PDILT: variants seen among roughly 807,000 people sequenced by gnomAD.
PDILT encodes the protein protein disulfide-isomerase-like protein of the testis.
In PDILT, 43 loss-of-function variants were observed where a neutral mutation model predicts 53.7. The ratio of observed to expected loss-of-function variants is 0.80; its 90% CI spans 0.63 to 1.03. The LOEUF (loss-of-function observed/expected upper bound fraction) is 1.03. PDILT is among the 50% of genes least tolerant of loss of function. PDILT has a pLI of 0.00. For missense variants in PDILT, 727 were observed against 712.3 expected (o/e 1.02, Z -0.24); for synonymous variants, 282 against 274.2 (o/e 1.03, Z -0.28).
chr16:20,392,987 G>A (rs1208665482), intron 2 of PDILT, among the ~76,000 whole-genome samples: 1 of 152,198 alleles, frequency 6.6e-6, no homozygotes, highest in Non-Finnish European at 1.5e-5. Flanking sequence ...GTTGAGGTGT[G>A]TTATGTGTTT....
intron 8 of PDILT, among the ~76,000 whole-genome samples, chr16:20,367,087 CTTTCT>C (rs1966222317): frequency 9.7e-6 from 1 of 103,364 alleles, no homozygotes; most frequent in Non-Finnish European, 2.0e-5. Context: ...TTCTTTCTTT[CTTTCT>C]TTCTTTCTTT....
chr16:20,370,225 C>G (rs1029155640), intron 7 of PDILT, among the ~76,000 whole-genome samples: 1 of 152,208 alleles, frequency 6.6e-6, no homozygotes, highest in Admixed American at 6.5e-5. Context: ...ACTGAGGACA[C>G]AACCCTGCCC....
Position 20,384,828 on chromosome 16 carries a change from T to G in PDILT, c.226A>C (p.Arg76=), listed in dbSNP as rs750346707. Residue 76 remains arginine, a synonymous_variant, in exon 3 of 12, where the codon AGG becomes CGG. Transcript: ENST00000302451. ...TTGCCCAGCTCTTCCGCCAAGTTCC[T>G]GGATTGCTTTGAGGATGGGTTGTCT... ...LFHNPSSKQS[R]NLAEELGKAV... The G allele has an allele frequency of 1.9e-6, 3 of 1,614,236 alleles. No homozygotes were observed. Among genetic ancestry groups the G allele is most frequent in the Non-Finnish European group, 8.5e-7 (1 of 1,180,038 alleles).
At position 20,372,895 on chromosome 16, in the gene PDILT, C is replaced by T; in HGVS notation, c.825G>A (p.Met275Ile). 1 of 1,614,104 alleles carries T rather than the reference C, an allele frequency of 6.2e-7. No homozygotes were observed. Among genetic ancestry groups the T allele is most frequent in the Non-Finnish European group, 8.5e-7 (1 of 1,179,982 alleles). The change falls in exon 7 of 12, where the codon ATG becomes ATA. Residue 275 changes from methionine to isoleucine, a missense_variant. Coordinates refer to ENST00000302451, the MANE Select transcript of PDILT (RefSeq NM_174924.2). Reference sequence around the variant, plus strand: ...TGGAGACAAACAGCAGCATGTGACTCATGATGTGCAACTCGGAAATCAGAT... The same window carrying T: ...TGGAGACAAACAGCAGCATGTGACTTATGATGTGCAACTCGGAAATCAGAT... ...NKDLISELHI[M>I]SHMLLFVSKS... is the part of the protein sequence containing the mutation.
At chr16:20,397,762 G>A (rs1021387240) in intron 2 of PDILT, among the ~76,000 whole-genome samples, 7 of 152,176 alleles carry the variant, frequency 4.6e-5, no homozygotes, top group African/African-American at 1.4e-4. Flanking sequence ...AAACCAAGAA[G>A]GGAAAGGCAC....
chr16:20,380,141 A>C (rs1010015911), intron 3 of PDILT, among the ~76,000 whole-genome samples: 4 of 151,658 alleles, frequency 2.6e-5, no homozygotes, highest in Non-Finnish European at 2.9e-5. Flanking sequence ...CCCTTTCCAC[A>C]CTCCAACGTT....
At chr16:20,388,861 A>C (rs1291376415) in intron 2 of PDILT, 2 of 152,208 alleles carry the variant, frequency 1.3e-5, no homozygotes, top group Admixed American at 6.5e-5. Context: ...GCGGTGAGCC[A>C]AGATTGCACC....
chr16:20,359,604 G>A (rs1443847131), intron 11 of PDILT, 37 bp from the exon 12 acceptor site: 1 of 1,569,172 alleles, frequency 6.4e-7, no homozygotes, highest in East Asian at 2.2e-5. Flanking sequence ...AGGGAGGGAG[G>A]GAAGAAAGGG....
chr16:20,368,218 C>T (rs1966244072), intron 8 of PDILT, among the ~76,000 whole-genome samples: 1 of 152,088 alleles, frequency 6.6e-6, no homozygotes, highest in African/African-American at 2.4e-5. Context: ...GTCGTAGACA[C>T]TGACATCTCT....
At chr16:20,394,665 T>C (rs1182449610) in intron 2 of PDILT, among the ~76,000 whole-genome samples, 2 of 152,260 alleles carry the variant, frequency 1.3e-5, no homozygotes, top group East Asian at 3.8e-4. Context: ...TATGAGCTCC[T>C]GAGTGAAGCT....
chr16:20,397,444 A>C (rs1224874394), intron 2 of PDILT, among the ~76,000 whole-genome samples: 1 of 152,146 alleles, frequency 6.6e-6, no homozygotes, highest in Non-Finnish European at 1.5e-5. Flanking sequence ...TGCCCAGCCT[A>C]TAAATGTTAT....
At chr16:20,360,681 C>G (rs1374730717) in intron 10 of PDILT, 24 bp from the exon 11 acceptor site, 2 of 1,544,566 alleles carry the variant, frequency 1.3e-6, no homozygotes, top group African/African-American at 2.7e-5. Flanking sequence ...GGAACAGGGT[C>G]AGGATGGGAT....
intron 9 of PDILT, among the ~76,000 whole-genome samples, chr16:20,364,531 A>G (rs1966161373): frequency 6.6e-6 from 1 of 152,230 alleles, no homozygotes; most frequent in South Asian, 2.1e-4. Context: ...CAAACTTGTT[A>G]CACAGCTCAT....
chr16:20,368,611 GTGC>G (rs59784735), intron 8 of PDILT, among the ~76,000 whole-genome samples: 73,693 of 151,366 alleles, frequency 0.49, 19,267 homozygotes, highest in Non-Finnish European at 0.6. Flanking sequence ...TGGGGGGGTG[GTGC>G]TGGACAGGGT....
Position 20,396,982 on chromosome 16 carries a change from T to C in PDILT, c.202+2117A>G, listed in dbSNP as rs968719952. Among the ~76,000 whole-genome samples, 8 of 152,202 alleles carry C rather than the reference T, an allele frequency of 5.3e-5. No individual in the cohort carries two copies. The East Asian group carries it at 1.5e-3, about 29-fold the overall frequency. On this transcript the variant is annotated intron_variant, in intron 2 of 11. Coordinates refer to ENST00000302451, the MANE Select transcript of PDILT (RefSeq NM_174924.2). ...CCTGCAAGGGAGGAATTATTAACCT[T>C]GTTGTACAGGTGAGAAAACTGGCGA...
At chr16:20,399,861 G>T (rs1354844094) in intron 1 of PDILT, among the ~76,000 whole-genome samples, 1 of 151,848 alleles carries the variant, frequency 6.6e-6, no homozygotes, top group African/African-American at 2.4e-5. Flanking sequence ...ATACACACTT[G>T]TAAAAGTTTC....
intron 1 of PDILT, among the ~76,000 whole-genome samples, chr16:20,402,158 C>T (rs1966749923): frequency 6.6e-6 from 1 of 152,180 alleles, no homozygotes; most frequent in African/African-American, 2.4e-5. Context: ...AACAATATTC[C>T]TTACATCTTA....
chr16:20,394,282 G>A (rs1285021402), intron 2 of PDILT, among the ~76,000 whole-genome samples: 1 of 152,198 alleles, frequency 6.6e-6, no homozygotes. Flanking sequence ...CTTTCTGGTG[G>A]TTCACTGTCT....
In PDILT at chr16:20,369,597, T is replaced by C; in HGVS notation, c.1011A>G (p.Gln337=). ...RVTEVDIPSV[Q]ILNLSSDARY... is the part of the protein sequence containing the mutation. ...TGGCGTCAGAGCTCAAGTTTAGGAT[T>C]TGGACGGATGGGATATCGACCTCTG... is the stretch of plus-strand genomic sequence containing the variant. Residue 337 remains glutamine (Q), a synonymous_variant, in exon 8 of 12, where the codon CAA becomes CAG. Transcript: ENST00000302451. 6.2e-7 allele frequency: 1 copy of C among 1,614,220 alleles called. No individual in the cohort carries two copies. The highest frequency in any genetic ancestry group is 8.5e-7 in the Non-Finnish European group (1 of 1,180,034).
Sources: allele counts gnomAD v4.1 joint callset (sites outside exome capture counted in the v4.1 genomes callset), GRCh38; gene constraint gnomAD v4.1.1; transcripts MANE v1.5; gene names NCBI Gene and HGNC (gene_info 2026-07-23, HGNC 2026-07-21).